YTHDF3: variants seen among roughly 807,000 people sequenced by gnomAD.
The protein encoded by YTHDF3 is YTH domain-containing family protein 3.
A neutral mutation model predicts 52.5 loss-of-function variants in YTHDF3; 9 were observed. The observed-to-expected ratio is 0.17, with a 90% CI of 0.10 to 0.30. The LOEUF (loss-of-function observed/expected upper bound fraction) is 0.30, where lower values mean the gene tolerates loss of function less well. Ranked by LOEUF, YTHDF3 falls within the 10% of genes least tolerant of loss-of-function variation. The pLI, the probability that YTHDF3 is intolerant of heterozygous loss-of-function variation, is 1.00. For missense variants in YTHDF3, 534 were observed against 715.0 expected (o/e 0.75, Z 2.89); for synonymous variants, 274 against 243.3 (o/e 1.13, Z -1.18).
intron 3 of YTHDF3, 96 bp from the exon 4 acceptor site, chr8:63,186,051 A>G (rs1808476199): frequency 7.9e-7 from 1 of 1,267,122 alleles, no homozygotes; most frequent in African/African-American, 1.5e-5. Flanking sequence ...TTTTATTTTC[A>G]TTTACTTAAA....
intron 4 of YTHDF3, among the ~76,000 whole-genome samples, chr8:63,199,423 TA>T (rs1420375277): frequency 3.9e-5 from 6 of 152,198 alleles, no homozygotes; most frequent in Non-Finnish European, 5.9e-5. Context: ...TTCGTTGAAA[TA>T]ATTCGTTGTA....
intron 4 of YTHDF3, among the ~76,000 whole-genome samples, chr8:63,206,798 A>G (rs1183254269): frequency 1.3e-5 from 2 of 151,118 alleles, no homozygotes; most frequent in East Asian, 1.9e-4. Flanking sequence ...TCTCTTTTCT[A>G]ATTTCCATTA....
At chr8:63,172,987 GCAAATTGCTT>G (rs1414519819) in intron 2 of YTHDF3, among the ~76,000 whole-genome samples, 1 of 151,834 alleles carries the variant, frequency 6.6e-6, no homozygotes, top group Non-Finnish European at 1.5e-5. Context: ...CTAGTTTAAT[GCAAATTGCTT>G]CTCGGTATAT....
chr8:63,182,006 T>C (rs1808172686), intron 3 of YTHDF3, among the ~76,000 whole-genome samples: 1 of 152,082 alleles, frequency 6.6e-6, no homozygotes, highest in Non-Finnish European at 1.5e-5. Flanking sequence ...GAACATCACT[T>C]TTGGTTGTTA....
chr8:63,177,385 A>G (rs1387657208), intron 3 of YTHDF3, among the ~76,000 whole-genome samples: 2 of 152,326 alleles, frequency 1.3e-5, no homozygotes, highest in East Asian at 1.9e-4. Context: ...TGGGAAAGAA[A>G]AAAACTTTAC....
intron 1 of YTHDF3, 84 bp from the exon 2 acceptor site, chr8:63,169,303 G>T: frequency 6.6e-7 from 1 of 1,510,404 alleles, no homozygotes; most frequent in East Asian, 2.4e-5. Context: ...AAAATAACTT[G>T]TCTTTGATAA....
At chr8:63,198,557 G>A (rs531658144) in intron 4 of YTHDF3, among the ~76,000 whole-genome samples, 6 of 152,248 alleles carry the variant, frequency 3.9e-5, no homozygotes, top group African/African-American at 9.6e-5. Context: ...TTGAGCCACC[G>A]TGCCTGGCCA....
At chr8:63,201,295 G>A (rs773932384) in intron 4 of YTHDF3, among the ~76,000 whole-genome samples, 9 of 152,122 alleles carry the variant, frequency 5.9e-5, no homozygotes, top group African/African-American at 9.7e-5. Context: ...AAGGTGAGGC[G>A]GGAGGATTGC....
Position 63,187,458 on chromosome 8 carries a change from G to C in YTHDF3, c.1447G>C (p.Val483Leu). ...TGGAGTGGCTGAAATGAAGTCTGTT[G>C]TGGACTATAATGCGTATGCTGGTGT... ...FCGVAEMKSV[V>L]DYNAYAGVWS... Residue 483 changes from valine (V) to leucine (L), a missense_variant, in exon 4 of 5, where the codon GTG becomes CTG. Val to Leu is a conservative substitution (Grantham distance 32, BLOSUM62 1). Around this residue, in one of 3 missense-constraint regions of YTHDF3, gnomAD observed 135 missense variants for 214.2 expected, o/e 0.63. Coordinates refer to ENST00000539294, the MANE Select transcript of YTHDF3 (RefSeq NM_152758.6). 1 of 1,614,008 alleles carries C rather than the reference G, an allele frequency of 6.2e-7. No individual in the cohort carries two copies. The highest frequency in any genetic ancestry group is 8.5e-7 in the Non-Finnish European group (1 of 1,179,898).
intron 4 of YTHDF3, chr8:63,188,981 G>A (rs1808737265): frequency 6.6e-6 from 1 of 151,836 alleles, no homozygotes; most frequent in Admixed American, 6.6e-5. Context: ...AAAGTGCTGG[G>A]ATTACAGGCA....
chr8:63,180,961 G>T (rs183201537), intron 3 of YTHDF3, among the ~76,000 whole-genome samples: 1 of 152,224 alleles, frequency 6.6e-6, no homozygotes, highest in Non-Finnish European at 1.5e-5. Flanking sequence ...GAGGGAGACC[G>T]TGGAAAGAGG....
chr8:63,183,109 T>C (rs567345356), intron 3 of YTHDF3, among the ~76,000 whole-genome samples: 39 of 152,142 alleles, frequency 2.6e-4, no homozygotes, highest in African/African-American at 8.9e-4. Context: ...TACAGGTGTA[T>C]GCTCCCATGG....
chr8:63,209,784 T>G lies in YTHDF3; in HGVS notation c.*78T>G. On this transcript the variant is annotated 3_prime_UTR_variant, in exon 5 of 5. Coordinates refer to ENST00000539294, the MANE Select transcript of YTHDF3 (RefSeq NM_152758.6). ...AATGCCTAATAAGTCAAAGAAGACGTATTAAAGCTCTTTTCTGCTTAAGGT... is the reference window on the plus strand; with the variant it reads ...AATGCCTAATAAGTCAAAGAAGACGGATTAAAGCTCTTTTCTGCTTAAGGT... 1 of 1,397,472 alleles carries G rather than the reference T, an allele frequency of 7.2e-7. No individual in the cohort carries two copies. Among genetic ancestry groups the G allele is most frequent in the Non-Finnish European group, 9.7e-7 (1 of 1,035,022 alleles). 86.6% of individuals were successfully genotyped at this position (1,397,472 alleles called of 1,614,324 possible).
In YTHDF3 at chr8:63,199,749, A is replaced by G. The variant is rs146315557; in HGVS notation, c.1735-9934A>G. Among the ~76,000 whole-genome samples the G allele has an allele frequency of 6.2e-3, 938 of 152,142 alleles. 13 individuals carry two copies. Among genetic ancestry groups the G allele is most frequent in the African/African-American group, 0.021 (882 of 41,490 alleles). On this transcript the variant is annotated intron_variant, in intron 4 of 4. Transcript: ENST00000539294. ...TCATTTGAGGTGCTTAACTGACTTT[A>G]CCTGTTTCTTGGAATGGCTTAAACA...
At chr8:63,206,434 C>T (rs1418955268) in intron 4 of YTHDF3, among the ~76,000 whole-genome samples, 1 of 152,104 alleles carries the variant, frequency 6.6e-6, no homozygotes, top group African/African-American at 2.4e-5. Flanking sequence ...TACCACTCTC[C>T]TTTCAGTTGC....
intron 4 of YTHDF3, among the ~76,000 whole-genome samples, chr8:63,194,711 G>T (rs984289067): frequency 2.6e-5 from 4 of 152,106 alleles, no homozygotes; most frequent in Admixed American, 2.6e-4. Flanking sequence ...TATTCTGTCA[G>T]ATGATCCATG....
At chr8:63,205,219 C>A (rs922191430) in intron 4 of YTHDF3, among the ~76,000 whole-genome samples, 2 of 152,058 alleles carry the variant, frequency 1.3e-5, no homozygotes, top group Non-Finnish European at 2.9e-5. Context: ...CTGTCTAAAG[C>A]GTCTTTTTCT....
chr8:63,198,778 T>C (rs1809402898), intron 4 of YTHDF3, among the ~76,000 whole-genome samples: 1 of 152,222 alleles, frequency 6.6e-6, no homozygotes. Flanking sequence ...GTGTATTCTA[T>C]TACCCTTTGG....
At chr8:63,204,384 G>T (rs1163266213) in intron 4 of YTHDF3, among the ~76,000 whole-genome samples, 1 of 141,642 alleles carries the variant, frequency 7.1e-6, no homozygotes. Context: ...TTTTTGAGAC[G>T]GAGTTTTGCT....
Sources: allele counts gnomAD v4.1 joint callset (sites outside exome capture counted in the v4.1 genomes callset), GRCh38; gene constraint gnomAD v4.1.1; regional missense constraint gnomAD v4.1.1; transcripts MANE v1.5; gene names NCBI Gene and HGNC (gene_info 2026-07-23, HGNC 2026-07-21).